Variants in BCAS3 observed in about 807,000 individuals in gnomAD.
The protein encoded by BCAS3 is BCAS3 microtubule associated cell migration factor.
In BCAS3, 53 loss-of-function variants were observed where a neutral mutation model predicts 116.1. The ratio of observed to expected loss-of-function variants is 0.46; its 90% CI spans 0.37 to 0.57. BCAS3 has a LOEUF of 0.57. Among genes scored for constraint, BCAS3 ranks in the 20% least tolerant of loss-of-function variants. The pLI is 0.00. For missense variants in BCAS3, 917 were observed against 1,165.4 expected (o/e 0.79, Z 3.10); for synonymous variants, 391 against 408.2 (o/e 0.96, Z 0.51).
intron 6 of BCAS3, among the ~76,000 whole-genome samples, chr17:60,771,716 G>T (rs1190826491): frequency 6.6e-6 from 1 of 152,048 alleles, no homozygotes; most frequent in South Asian, 2.1e-4. Context: ...CCTATCCCAC[G>T]ACAGGCCCCA....
intron 22 of BCAS3, among the ~76,000 whole-genome samples, chr17:61,284,248 A>G (rs2051516389): frequency 2.0e-5 from 3 of 152,172 alleles, no homozygotes; most frequent in African/African-American, 7.2e-5. Flanking sequence ...CAGCAGTCGC[A>G]AACCTGCTCA....
rs913016022 is a variant in BCAS3, at chr17:60,907,071, T to C, written c.823-3461T>C. Among the ~76,000 whole-genome samples, 7 of 152,198 alleles carry C rather than the reference T, an allele frequency of 4.6e-5. No homozygotes were observed. In the South Asian group the frequency reaches 1.4e-3, roughly 32 times the overall value. Reference sequence around the variant, plus strand: ...GCAATTGTGAGGATAAATATATTCATTGCATATGTACTTGGAGCTCCTTAG... The same window carrying C: ...GCAATTGTGAGGATAAATATATTCACTGCATATGTACTTGGAGCTCCTTAG... On this transcript the variant is annotated intron_variant, in intron 11 of 23. Transcript: ENST00000407086.
intron 14 of BCAS3, among the ~76,000 whole-genome samples, chr17:60,976,020 C>CTTTTTTTTGTTTTT (rs2062328030): frequency 1.0e-5 from 1 of 98,284 alleles, no homozygotes; most frequent in African/African-American, 4.2e-5. Flanking sequence ...TAGATTTTTG[C>CTTTTTTTTGTTTTT]TTTTTTTTTT....
At chr17:60,722,063 A>G (rs2039300714) in intron 5 of BCAS3, among the ~76,000 whole-genome samples, 1 of 152,198 alleles carries the variant, frequency 6.6e-6, no homozygotes, top group Non-Finnish European at 1.5e-5. Flanking sequence ...TGTTGTATCT[A>G]TCATATGAAT....
At position 61,098,348 on chromosome 17, in the gene BCAS3, A is replaced by T. The variant is rs1323499176; in HGVS notation, c.2425+13784A>T. Among the ~76,000 whole-genome samples, 1 of 152,204 alleles carries T rather than the reference A, an allele frequency of 6.6e-6. No individual in the cohort carries two copies. Among genetic ancestry groups the T allele is most frequent in the Non-Finnish European group, 1.5e-5 (1 of 68,040 alleles). ...GTATTTAAGAGGCCTTCATAATCACAGAAGAGAGTGATATTATAGGATTAG... is the reference window on the plus strand; with the variant it reads ...GTATTTAAGAGGCCTTCATAATCACTGAAGAGAGTGATATTATAGGATTAG... On this transcript the variant is annotated intron_variant, in intron 22 of 23. Transcript: ENST00000407086. This position sits in a 1 kb window ranked among gnomAD's most constrained non-coding sequence, Gnocchi z 4.2.
At chr17:60,751,231 A>G (rs1216884518) in intron 6 of BCAS3, among the ~76,000 whole-genome samples, 1 of 152,156 alleles carries the variant, frequency 6.6e-6, no homozygotes, top group African/African-American at 2.4e-5. Flanking sequence ...ATCAATAATA[A>G]TTGATTATTT....
At chr17:60,747,724 T>C (rs183722491) in intron 6 of BCAS3, among the ~76,000 whole-genome samples, 3 of 152,182 alleles carry the variant, frequency 2.0e-5, no homozygotes, top group Admixed American at 1.3e-4. Flanking sequence ...ACTTATGCCA[T>C]GGAGAGCTTG....
chr17:60,895,243 G>C (rs1171285171), intron 10 of BCAS3, among the ~76,000 whole-genome samples: 1 of 152,012 alleles, frequency 6.6e-6, no homozygotes, highest in Non-Finnish European at 1.5e-5. Context: ...ACTCATTATT[G>C]GTCTGCTCAG....
chr17:60,915,972 C>T (rs774678700), intron 12 of BCAS3, among the ~76,000 whole-genome samples: 11 of 152,208 alleles, frequency 7.2e-5, no homozygotes, highest in East Asian at 5.8e-4. Flanking sequence ...TGTGAGCCAC[C>T]GCGCCCAGCT....
Position 61,141,901 on chromosome 17 carries a change from A to AG in BCAS3, c.2425+57338dup. On this transcript the variant is annotated intron_variant, in intron 22 of 23. Coordinates refer to ENST00000407086, the MANE Select transcript of BCAS3 (RefSeq NM_017679.5). The surrounding 1 kb of genome is among the most constrained non-coding windows in gnomAD (Gnocchi z 4.3). ...GGTGACAGAGCGAGACCCCACCTCAAGAAAAAAAAAAAAAAAAAAGTTAGA... is the reference window on the plus strand; with the variant it reads ...GGTGACAGAGCGAGACCCCACCTCAAGGAAAAAAAAAAAAAAAAAAGTTAGA... 3.3e-5 allele frequency among the ~76,000 whole-genome samples: 1 copy of AG among 30,112 alleles called. No homozygotes were observed. The highest frequency in any genetic ancestry group is 5.4e-5 in the African/African-American group (1 of 18,646). The allele number at this position is 30,112 out of a possible 152,430, so 19.8% of individuals were successfully genotyped here. A position where few individuals can be genotyped will look rare whatever the true frequency, so the allele number is the denominator to read the frequency against.
intron 4 of BCAS3, chr17:60,696,604 C>A (rs751780249): frequency 6.6e-6 from 1 of 152,178 alleles, no homozygotes; most frequent in Non-Finnish European, 1.5e-5. Context: ...GACCCCATCT[C>A]TAAAAGAAAA....
intron 7 of BCAS3, among the ~76,000 whole-genome samples, chr17:60,832,994 A>G (rs929011839): frequency 6.6e-6 from 1 of 152,208 alleles, no homozygotes; most frequent in African/African-American, 2.4e-5. Flanking sequence ...TTTCTATACA[A>G]TGTAAAATAC....
intron 22 of BCAS3, among the ~76,000 whole-genome samples, chr17:61,257,063 G>T (rs935611920): frequency 1.3e-5 from 2 of 152,096 alleles, no homozygotes; most frequent in African/African-American, 4.8e-5. Context: ...TTTGCGATCG[G>T]TGTTGTCATG....
intron 15 of BCAS3, among the ~76,000 whole-genome samples, chr17:60,998,358 A>G (rs58247536): frequency 0.07 from 10,690 of 152,252 alleles, 1,136 homozygotes; most frequent in African/African-American, 0.23. Flanking sequence ...TTTTGGGCAT[A>G]TACCCAGTAG....
intron 22 of BCAS3, among the ~76,000 whole-genome samples, chr17:61,304,288 A>G (rs534275026): frequency 6.6e-6 from 1 of 152,316 alleles, no homozygotes; most frequent in Admixed American, 6.5e-5. Flanking sequence ...AAAGTTGTTG[A>G]GAGGCTGCAT....
chr17:61,309,540 A>G lies in BCAS3; in HGVS notation c.2426-58787A>G, dbSNP rs1424103668. Among the ~76,000 whole-genome samples, 2 of 152,170 alleles carry G rather than the reference A, an allele frequency of 1.3e-5. No homozygotes were observed. The highest frequency in any genetic ancestry group is 4.8e-5 in the African/African-American group (2 of 41,442). On this transcript the variant is annotated intron_variant, in intron 22 of 23. Transcript: ENST00000407086. The surrounding 1 kb of genome is among the most constrained non-coding windows in gnomAD (Gnocchi z 4.6). Reference sequence around the variant, plus strand: ...CTGCCTCACTTGCCCTCTACTTCCCAGCTTCACCATAGCTGGGAAGAATAT... The same window carrying G: ...CTGCCTCACTTGCCCTCTACTTCCCGGCTTCACCATAGCTGGGAAGAATAT...
chr17:60,930,356 T>C (rs555499939), intron 13 of BCAS3, among the ~76,000 whole-genome samples: 2 of 152,338 alleles, frequency 1.3e-5, no homozygotes, highest in South Asian at 4.1e-4. Flanking sequence ...AAAAAGTTGA[T>C]TGCATGATTT....
chr17:61,070,692 G>C (rs1367232666), intron 19 of BCAS3, among the ~76,000 whole-genome samples: 1 of 152,040 alleles, frequency 6.6e-6, no homozygotes, highest in Admixed American at 6.6e-5. Flanking sequence ...GTTGGCTATT[G>C]ATTATGGGCC....
chr17:61,244,933 A>T lies in BCAS3; in HGVS notation c.2426-123394A>T, dbSNP rs546142595. Reference sequence around the variant, plus strand: ...TTTTTAAAGATTTAACTGCAATTGCATAGTATTTTGTGATTTCATTATTCA... The same window carrying T: ...TTTTTAAAGATTTAACTGCAATTGCTTAGTATTTTGTGATTTCATTATTCA... On this transcript the variant is annotated intron_variant, in intron 22 of 23. Transcript: ENST00000407086. This position sits in a 1 kb window ranked among gnomAD's most constrained non-coding sequence, Gnocchi z 4.9. Among the ~76,000 whole-genome samples the T allele has an allele frequency of 3.9e-5, 6 of 152,242 alleles. No individual in the cohort carries two copies. Among genetic ancestry groups the T allele is most frequent in the Non-Finnish European group, 8.8e-5 (6 of 68,042 alleles).
Sources: allele counts gnomAD v4.1 joint callset (sites outside exome capture counted in the v4.1 genomes callset), GRCh38; gene constraint gnomAD v4.1.1; non-coding constraint Gnocchi (gnomAD v3.1); transcripts MANE v1.5; gene names NCBI Gene and HGNC (gene_info 2026-07-23, HGNC 2026-07-21).